ASAP2: variants seen among roughly 807,000 people sequenced by gnomAD.
ASAP2 encodes the protein ArfGAP with SH3 domain, ankyrin repeat and PH domain 2.
A neutral mutation model predicts 131.4 loss-of-function variants in ASAP2; 45 were observed. The ratio of observed to expected loss-of-function variants is 0.34; its 90% CI spans 0.27 to 0.44. ASAP2 has a LOEUF of 0.44. ASAP2 is among the 20% of genes least tolerant of loss of function. ASAP2 has a pLI of 1.00. For missense variants in ASAP2, 1,011 were observed against 1,297.0 expected, an observed-to-expected ratio of 0.78 and a Z score of 3.39; for synonymous variants, 510 against 503.0, an observed-to-expected ratio of 1.01 and a Z score of -0.19.
intron 1 of ASAP2, among the ~76,000 whole-genome samples, chr2:9,246,990 C>T (rs139864581): frequency 1.3e-5 from 2 of 152,262 alleles, no homozygotes; most frequent in African/African-American, 4.8e-5. Context: ...ACGGTATATA[C>T]TACCACACCC....
intron 1 of ASAP2, among the ~76,000 whole-genome samples, chr2:9,208,374 G>T (rs553902885): frequency 5.3e-5 from 8 of 150,740 alleles, no homozygotes; most frequent in Non-Finnish European, 7.4e-5. Flanking sequence ...TCACCAAAGA[G>T]CTTTAAATGA....
intron 3 of ASAP2, among the ~76,000 whole-genome samples, chr2:9,304,693 G>A (rs1374286645): frequency 1.4e-5 from 2 of 148,002 alleles, no homozygotes; most frequent in Non-Finnish European, 3.0e-5. Context: ...GGGTGTAATA[G>A]TGGGGTATAG....
intron 1 of ASAP2, among the ~76,000 whole-genome samples, chr2:9,275,241 T>A (rs1281792731): frequency 1.3e-5 from 2 of 152,150 alleles, no homozygotes; most frequent in African/African-American, 4.8e-5. Flanking sequence ...GGCTAACTTA[T>A]TTTTATTTTT....
At position 9,374,872 on chromosome 2, in the gene ASAP2, T is replaced by G. The variant is rs753903290; in HGVS notation, c.1674T>G (p.Asp558Glu). 11 of 1,613,842 alleles carry G rather than the reference T, an allele frequency of 6.8e-6. 1 individual carries two copies. Among genetic ancestry groups the G allele is most frequent in the African/African-American group, 4.0e-5 (3 of 74,826 alleles). The change falls in exon 17 of 28, where the codon GAT becomes GAG. Residue 558 changes from aspartate (D) to glutamate (E), a missense_variant. Physicochemically the swap from Asp to Glu is conservative, Grantham distance 45. This residue lies in a region of ASAP2 where 652 missense variants were observed against 698.9 expected (regional missense o/e 0.93). Coordinates refer to ENST00000281419, the MANE Select transcript of ASAP2 (RefSeq NM_003887.3). ...TTTGCGAGGCCGTCAAAACGAGAGA[T>G]ATTTTTGGATTGCTCCAAGCTTATG... ...HSLCEAVKTR[D>E]IFGLLQAYAD...
chr2:9,260,564 G>A (rs748678400), intron 1 of ASAP2, among the ~76,000 whole-genome samples: 53 of 152,108 alleles, frequency 3.5e-4, no homozygotes, highest in Non-Finnish European at 6.5e-4. Flanking sequence ...TGTTTGCATC[G>A]TCACACTCCT....
chr2:9,207,814 C>T lies in ASAP2; in HGVS notation c.126+584C>T, dbSNP rs1661234561. On this transcript the variant is annotated intron_variant, in intron 1 of 27. Transcript: ENST00000281419. This position sits in a 1 kb window ranked among gnomAD's most constrained non-coding sequence, Gnocchi z 4.1. ...TGCGGGCAAGGTGTGTGAGAGTCGG[C>T]GCTTCTGGGTCCAAGAAGCCTCCAG... Among the ~76,000 whole-genome samples the T allele has an allele frequency of 6.6e-6, 1 of 152,066 alleles. No individual in the cohort carries two copies. Among genetic ancestry groups the T allele is most frequent in the South Asian group, 2.1e-4 (1 of 4,824 alleles).
chr2:9,278,909 G>A (rs1423169491), intron 1 of ASAP2, among the ~76,000 whole-genome samples: 4 of 152,180 alleles, frequency 2.6e-5, no homozygotes, highest in Admixed American at 6.5e-5. Flanking sequence ...GGGGGAAGGG[G>A]TGCAGGCACG....
At chr2:9,316,671 G>A (rs1269764016) in intron 3 of ASAP2, among the ~76,000 whole-genome samples, 2 of 152,164 alleles carry the variant, frequency 1.3e-5, no homozygotes, top group Non-Finnish European at 2.9e-5. Context: ...GTCCGTACTT[G>A]AAGGCTCTTC....
At chr2:9,336,609 C>G (rs1245445293) in intron 9 of ASAP2, among the ~76,000 whole-genome samples, 1 of 152,142 alleles carries the variant, frequency 6.6e-6, no homozygotes, top group Non-Finnish European at 1.5e-5. Context: ...AAACATGGGT[C>G]AACTAAGTGA....
intron 24 of ASAP2, among the ~76,000 whole-genome samples, chr2:9,396,421 G>T (rs1239389119): frequency 6.6e-6 from 1 of 151,936 alleles, no homozygotes; most frequent in Non-Finnish European, 1.5e-5. Flanking sequence ...CCACAGGCAC[G>T]CACCACCATG....
chr2:9,274,658 G>A (rs781215371), intron 1 of ASAP2, among the ~76,000 whole-genome samples: 66 of 152,156 alleles, frequency 4.3e-4, no homozygotes, highest in Non-Finnish European at 8.1e-4. Context: ...CTAGCTTCTC[G>A]TCCTGACCAA....
intron 16 of ASAP2, among the ~76,000 whole-genome samples, chr2:9,369,547 G>A (rs1673768927): frequency 6.6e-6 from 1 of 152,162 alleles, no homozygotes; most frequent in African/African-American, 2.4e-5. Flanking sequence ...GTTTTGTTGT[G>A]ATGCAAAGTG....
At chr2:9,338,290 G>GCTCT (rs140305748) in intron 9 of ASAP2, among the ~76,000 whole-genome samples, 3 of 148,796 alleles carry the variant, frequency 2.0e-5, no homozygotes, top group East Asian at 2.0e-4. Flanking sequence ...AAGTATGGTT[G>GCTCT]CTCTCTCTCT....
chr2:9,264,302 G>A (rs1229640826), intron 1 of ASAP2, among the ~76,000 whole-genome samples: 1 of 152,176 alleles, frequency 6.6e-6, no homozygotes, highest in Non-Finnish European at 1.5e-5. Flanking sequence ...TTTGGCCTTG[G>A]GAAAAGGTTT....
Position 9,217,355 on chromosome 2 carries a change from C to A in ASAP2, c.126+10125C>A, listed in dbSNP as rs1662122705. ...CACTGCTCTGCTGACATGCCCAGCCCCACGGAGCAGAGTGGCCAGGGGCAT... is the reference window on the plus strand; with the variant it reads ...CACTGCTCTGCTGACATGCCCAGCCACACGGAGCAGAGTGGCCAGGGGCAT... On this transcript the variant is annotated intron_variant, in intron 1 of 27. Transcript: ENST00000281419. The surrounding 1 kb of genome is among the most constrained non-coding windows in gnomAD (Gnocchi z 4.0). 6.6e-6 allele frequency among the ~76,000 whole-genome samples: 1 copy of A among 152,214 alleles called. No individual in the cohort carries two copies. The highest frequency in any genetic ancestry group is 2.4e-5 in the African/African-American group (1 of 41,444).
At chr2:9,370,654 T>C (rs2715877) in intron 16 of ASAP2, among the ~76,000 whole-genome samples, 10,998 of 152,092 alleles carry the variant, frequency 0.072, 1,093 homozygotes, top group African/African-American at 0.22. Context: ...GATGATGGGG[T>C]CAGACATGTG....
At chr2:9,212,909 C>T (rs1005547762) in intron 1 of ASAP2, among the ~76,000 whole-genome samples, 3 of 152,214 alleles carry the variant, frequency 2.0e-5, no homozygotes, top group East Asian at 1.9e-4. Context: ...GAGACGGAAC[C>T]CCGGCTGCAC....
At chr2:9,250,357 A>G (rs1486300167) in intron 1 of ASAP2, among the ~76,000 whole-genome samples, 1 of 152,144 alleles carries the variant, frequency 6.6e-6, no homozygotes, top group Non-Finnish European at 1.5e-5. Flanking sequence ...CGACATGTGA[A>G]TACACAGCTG....
chr2:9,294,649 T>C (rs746182795), intron 2 of ASAP2, among the ~76,000 whole-genome samples: 1 of 152,218 alleles, frequency 6.6e-6, no homozygotes, highest in Non-Finnish European at 1.5e-5. Flanking sequence ...CTAGTAGGCG[T>C]TGACCTTTAT....
Sources: allele counts gnomAD v4.1 joint callset (sites outside exome capture counted in the v4.1 genomes callset), GRCh38; gene constraint gnomAD v4.1.1; regional missense constraint gnomAD v4.1.1; non-coding constraint Gnocchi (gnomAD v3.1); transcripts MANE v1.5; gene names NCBI Gene and HGNC (gene_info 2026-07-23, HGNC 2026-07-21).